GNG12: variants seen among roughly 807,000 people sequenced by gnomAD.
The protein encoded by GNG12 is G protein subunit gamma 12.
For missense variants in GNG12, 69 were observed against 83.8 expected, an observed-to-expected ratio of 0.82 and a Z score of 0.69; for synonymous variants, 28 against 29.7, an observed-to-expected ratio of 0.94 and a Z score of 0.19.
chr1:67,783,333 T>C (rs903050450), intron 1 of GNG12, among the ~76,000 whole-genome samples: 7 of 152,324 alleles, frequency 4.6e-5, no homozygotes, highest in African/African-American at 1.4e-4. Flanking sequence ...CATTCTTTTA[T>C]CTTATTTCTC....
intron 2 of GNG12, among the ~76,000 whole-genome samples, chr1:67,757,561 C>T (rs1646577211): frequency 6.6e-6 from 1 of 152,188 alleles, no homozygotes; most frequent in Admixed American, 6.5e-5. Context: ...CTGGAAGATG[C>T]CAAGCAGTAG....
intron 1 of GNG12, chr1:67,832,265 C>G (rs551315865): frequency 6.6e-6 from 1 of 152,320 alleles, no homozygotes; most frequent in South Asian, 2.1e-4. Flanking sequence ...AGGAACCTCC[C>G]TTCTACCTCT....
At chr1:67,803,672 C>A (rs1463473824) in intron 1 of GNG12, among the ~76,000 whole-genome samples, 1 of 152,170 alleles carries the variant, frequency 6.6e-6, no homozygotes, top group Admixed American at 6.5e-5. Context: ...AAGTTATGTT[C>A]CCTTTTTAGA....
At chr1:67,749,399 A>AG (rs1490683165) in intron 2 of GNG12, among the ~76,000 whole-genome samples, 2 of 152,236 alleles carry the variant, frequency 1.3e-5, no homozygotes, top group Admixed American at 1.3e-4. Context: ...AATGAGACAA[A>AG]GCATATGGAG....
chr1:67,795,713 T>C (rs562517089), intron 1 of GNG12, among the ~76,000 whole-genome samples: 33 of 152,194 alleles, frequency 2.2e-4, no homozygotes, highest in African/African-American at 7.7e-4. Context: ...AACCCAAATA[T>C]CCAGTATTTG....
rs527619112 is a variant in GNG12, at chr1:67,735,054, T to C, written c.-26-27342A>G. Among the ~76,000 whole-genome samples, 6 of 152,086 alleles carry C rather than the reference T, an allele frequency of 3.9e-5. 1 individual carries two copies. The highest frequency in any genetic ancestry group is 5.9e-5 in the Non-Finnish European group (4 of 67,968). ...TTTTTTTAGTAGAGATGGGGTTCCA[T>C]CTTGTTGGTCAGGCTGGTCTCAAAC... On this transcript the variant is annotated intron_variant, in intron 2 of 3. Coordinates refer to ENST00000370982, the MANE Select transcript of GNG12 (RefSeq NM_018841.6).
intron 2 of GNG12, among the ~76,000 whole-genome samples, chr1:67,740,308 A>G (rs1646475769): frequency 6.6e-6 from 1 of 152,246 alleles, no homozygotes; most frequent in Non-Finnish European, 1.5e-5. Flanking sequence ...CAAGTCTCCT[A>G]TATTTCTTCC....
intron 1 of GNG12, among the ~76,000 whole-genome samples, chr1:67,797,785 G>A (rs1402507238): frequency 6.6e-6 from 1 of 152,144 alleles, no homozygotes; most frequent in African/African-American, 2.4e-5. Flanking sequence ...CCCATATCAT[G>A]GCGGGCACAT....
At chr1:67,736,894 G>A (rs1241974453) in intron 2 of GNG12, among the ~76,000 whole-genome samples, 9 of 152,210 alleles carry the variant, frequency 5.9e-5, no homozygotes, top group Admixed American at 5.9e-4. Context: ...CCAAATGTGT[G>A]TGCCTGCTAA....
At position 67,702,924 on chromosome 1, in the gene GNG12, G is replaced by C. The variant is rs988352460; in HGVS notation, c.*2527C>G. On this transcript the variant is annotated 3_prime_UTR_variant, in exon 4 of 4. Transcript: ENST00000370982. ...ATCATTACAGTGGTAGTTGGAAAAA[G>C]TAACAAACACTGGGTATTTGTCTAT... 1.3e-5 allele frequency: 2 copies of C among 152,158 alleles called. No homozygotes were observed. The highest frequency in any genetic ancestry group is 2.9e-5 in the Non-Finnish European group (2 of 68,018). The allele number at this position is 152,158 out of a possible 1,614,324, so 9.4% of individuals were successfully genotyped here. A position where few individuals can be genotyped will look rare whatever the true frequency, so the allele number is the denominator to read the frequency against.
intron 2 of GNG12, among the ~76,000 whole-genome samples, chr1:67,750,420 G>A (rs1570512099): frequency 6.6e-6 from 1 of 152,198 alleles, no homozygotes; most frequent in South Asian, 2.1e-4. Context: ...TTCTCAGGTT[G>A]CTTTGTATGC....
chr1:67,800,565 T>A (rs1480739288), intron 1 of GNG12, among the ~76,000 whole-genome samples: 3 of 152,220 alleles, frequency 2.0e-5, no homozygotes, highest in Admixed American at 6.5e-5. Context: ...AGACATACTT[T>A]ATTACCAGCA....
At chr1:67,803,299 A>C (rs1480985244) in intron 1 of GNG12, among the ~76,000 whole-genome samples, 1 of 152,228 alleles carries the variant, frequency 6.6e-6, no homozygotes, top group African/African-American at 2.4e-5. Context: ...GGATTGCTTG[A>C]GGCTGGGAGT....
intron 2 of GNG12, among the ~76,000 whole-genome samples, chr1:67,752,602 T>C (rs923199087): frequency 2.0e-5 from 3 of 152,218 alleles, no homozygotes; most frequent in African/African-American, 7.2e-5. Context: ...CATGGTGTTC[T>C]TTCCTGTTGG....
chr1:67,746,742 TAGTA>T (rs1426304759), intron 2 of GNG12, among the ~76,000 whole-genome samples: 1 of 152,226 alleles, frequency 6.6e-6, no homozygotes, highest in Non-Finnish European at 1.5e-5. Flanking sequence ...CAGAGAGTAT[TAGTA>T]AGTAATTCAA....
chr1:67,760,658 C>T (rs891341295), intron 2 of GNG12, among the ~76,000 whole-genome samples: 2 of 152,176 alleles, frequency 1.3e-5, no homozygotes, highest in African/African-American at 4.8e-5. Context: ...AGTGTTAGAA[C>T]TCGTATTCTG....
chr1:67,824,522 A>AT (rs1387184549), intron 1 of GNG12, among the ~76,000 whole-genome samples: 1 of 151,824 alleles, frequency 6.6e-6, no homozygotes, highest in African/African-American at 2.4e-5. Context: ...AAAAAAAAAA[A>AT]AAAAAAGGAA....
intron 1 of GNG12, among the ~76,000 whole-genome samples, chr1:67,793,075 C>A (rs948417052): frequency 6.6e-6 from 1 of 152,156 alleles, no homozygotes; most frequent in Non-Finnish European, 1.5e-5. Flanking sequence ...CTTAGCAAAC[C>A]TCAGCTTCAG....
At chr1:67,770,690 G>A (rs545266405) in intron 2 of GNG12, among the ~76,000 whole-genome samples, 3 of 152,232 alleles carry the variant, frequency 2.0e-5, no homozygotes, top group Admixed American at 2.0e-4. Context: ...CCTGGAGAAG[G>A]CCATGGAGGC....
Sources: allele counts gnomAD v4.1 joint callset (sites outside exome capture counted in the v4.1 genomes callset), GRCh38; gene constraint gnomAD v4.1.1; transcripts MANE v1.5; gene names NCBI Gene and HGNC (gene_info 2026-07-23, HGNC 2026-07-21).